Variants in MATR3 observed in about 807,000 individuals in gnomAD.
The protein encoded by MATR3 is matrin 3, also known as matrin-3.
Under a neutral mutation model 85.5 loss-of-function variants are expected in MATR3, and 4 were observed. The ratio of observed to expected loss-of-function variants is 0.05; its 90% CI spans 0.02 to 0.11. The LOEUF (loss-of-function observed/expected upper bound fraction) is 0.11. Among genes scored for constraint, MATR3 ranks in the 10% least tolerant of loss-of-function variants. The pLI is 1.00. For synonymous variants in MATR3, 336 were observed against 343.1 expected (o/e 0.98, Z 0.23); for missense variants, 685 against 1,016.1 (o/e 0.67, Z 4.43).
exon 1 of MATR3, chr5:139,274,105 T>G (rs1012129842): frequency 1.1e-5 from 5 of 451,360 alleles, no homozygotes; most frequent in African/African-American, 1.0e-4. Flanking sequence ...CGGCTGCCCT[T>G]TCCCCTCCGG....
intron 2 of MATR3, chr5:139,278,839 G>A (rs1004235598): frequency 3.9e-6 from 2 of 517,144 alleles, no homozygotes; most frequent in African/African-American, 3.9e-5. Context: ...TACACTGTTG[G>A]AAGAGCAAAC....
In MATR3 at chr5:139,330,655, T is replaced by G. The variant is rs1457108006; in HGVS notation, c.*1260T>G. 1 of 454,116 alleles carries G rather than the reference T, an allele frequency of 2.2e-6. No homozygotes were observed. The highest frequency in any genetic ancestry group is 6.9e-5 in the East Asian group (1 of 14,400). The allele number at this position is 454,116 out of a possible 1,614,324, so 28.1% of individuals were successfully genotyped here. On this transcript the variant is annotated 3_prime_UTR_variant, in exon 15 of 15. Coordinates refer to ENST00000394805, the MANE Select transcript of MATR3 (RefSeq NM_018834.6). ...CCTTATGAATTAAAAATGCTACAGGTGAACAAACAGAAGCTTATGTTTAGA... is the reference window on the plus strand; with the variant it reads ...CCTTATGAATTAAAAATGCTACAGGGGAACAAACAGAAGCTTATGTTTAGA...
At chr5:139,276,369 A>G (rs1215544853) in intron 2 of MATR3, 4 of 374,254 alleles carry the variant, frequency 1.1e-5, no homozygotes, top group African/African-American at 8.4e-5. Flanking sequence ...CCTGGGCCAC[A>G]TTGGAAGGAT....
At chr5:139,298,976 A>G (rs773095599) in intron 1 of MATR3, among the ~76,000 whole-genome samples, 8 of 152,272 alleles carry the variant, frequency 5.3e-5, no homozygotes, top group Non-Finnish European at 1.0e-4. Flanking sequence ...AAGTCAGAAC[A>G]GTACATTTTA....
intron 2 of MATR3, 43 bp downstream of exon 2, chr5:139,308,370 A>G (rs199979305): frequency 2.5e-5 from 40 of 1,609,076 alleles, no homozygotes; most frequent in Non-Finnish European, 3.1e-5. Flanking sequence ...TTTACATTGT[A>G]GTGCCTATTT....
At position 139,321,161 on chromosome 5, in the gene MATR3, T is replaced by A. The variant is rs115219182; in HGVS notation, c.1603-737T>A. ...ACAGGTTGGTTTTTTGGTTTTTGGT[T>A]TTTTCTGAGATGGAGTCTTGCTCTG... On this transcript the variant is annotated intron_variant, in intron 9 of 14. Coordinates refer to ENST00000394805, the MANE Select transcript of MATR3 (RefSeq NM_018834.6). Among the ~76,000 whole-genome samples the A allele has an allele frequency of 8.3e-3, 1,268 of 152,134 alleles. 14 individuals carry two copies. Among genetic ancestry groups the A allele is most frequent in the African/African-American group, 0.028 (1,168 of 41,480 alleles).
Position 139,308,144 on chromosome 5 carries a change from TCATAAATTTGAC to T in MATR3, c.730_741del (p.His244_Asp247del). The T allele has an allele frequency of 6.2e-7, 1 of 1,614,010 alleles. No homozygotes were observed. Among genetic ancestry groups the T allele is most frequent in the Non-Finnish European group, 8.5e-7 (1 of 1,179,986 alleles). On this transcript the variant is annotated inframe_deletion, in exon 2 of 15. Transcript: ENST00000394805. The stretch of plus-strand genomic sequence containing the variant: ...TTTTTGGTGAGACCTCGCATAACTA[TCATAAATTTGAC>T]AGTGAGTATGAGAGAATGGGACGTG...
chr5:139,319,837 C>T (rs1169185425), intron 9 of MATR3, among the ~76,000 whole-genome samples: 1 of 142,190 alleles, frequency 7.0e-6, no homozygotes, highest in African/African-American at 2.6e-5. Flanking sequence ...GAGCGAGACT[C>T]CCAACTCAAA....
chr5:139,315,929 A>T, intron 4 of MATR3, 147 bp from the exon 5 acceptor site: 1 of 773,156 alleles, frequency 1.3e-6, no homozygotes, highest in Non-Finnish European at 2.2e-6. Flanking sequence ...TTTATTGTTA[A>T]TGTAGACTTT....
In MATR3 at chr5:139,330,418, A is replaced by T. The variant is rs1309716114; in HGVS notation, c.*1023A>T. The T allele has an allele frequency of 4.4e-6, 2 of 454,420 alleles. No homozygotes were observed. The highest frequency in any genetic ancestry group is 4.0e-5 in the African/African-American group (2 of 50,004). 28.1% of individuals were successfully genotyped at this position (454,420 alleles called of 1,614,324 possible). A position where few individuals can be genotyped will look rare whatever the true frequency, so the allele number is the denominator to read the frequency against. ...AAACCCTAGGCCATGTTAATTGGTT[A>T]TACATGTTTGGAATGTTAACCAACG... On this transcript the variant is annotated 3_prime_UTR_variant, in exon 15 of 15. Coordinates refer to ENST00000394805, the MANE Select transcript of MATR3 (RefSeq NM_018834.6).
chr5:139,292,823 G>A (rs1753922227), upstream of MATR3, among the ~76,000 whole-genome samples: 1 of 152,202 alleles, frequency 6.6e-6, no homozygotes, highest in East Asian at 1.9e-4. Flanking sequence ...GGCGCCTGTA[G>A]TCCCAGCTAC....
At chr5:139,318,400 C>T (rs971928594) in intron 7 of MATR3, among the ~76,000 whole-genome samples, 1 of 151,944 alleles carries the variant, frequency 6.6e-6, no homozygotes, top group Non-Finnish European at 1.5e-5. Context: ...TCCCAAAGTG[C>T]TGGGATTACA....
intron 9 of MATR3, among the ~76,000 whole-genome samples, chr5:139,320,679 T>G (rs923298295): frequency 2.6e-5 from 4 of 152,080 alleles, no homozygotes; most frequent in African/African-American, 4.8e-5. Flanking sequence ...AATTCAGCAT[T>G]GCAAGTTTGT....
At chr5:139,327,602 G>A (rs1755924072) in intron 14 of MATR3, among the ~76,000 whole-genome samples, 1 of 151,824 alleles carries the variant, frequency 6.6e-6, no homozygotes, top group Non-Finnish European at 1.5e-5. Context: ...TGTATTTTTA[G>A]TGGAAATGGG....
chr5:139,290,642 G>T (rs1753844053), upstream of MATR3, among the ~76,000 whole-genome samples: 2 of 151,494 alleles, frequency 1.3e-5, no homozygotes, highest in Non-Finnish European at 2.9e-5. Context: ...TAGAGACATG[G>T]TTTCACCATG....
chr5:139,287,643 A>T (rs1245601997), intron 3 of MATR3, among the ~76,000 whole-genome samples: 1 of 152,162 alleles, frequency 6.6e-6, no homozygotes, highest in East Asian at 1.9e-4. Flanking sequence ...TTCATCATTA[A>T]GCTGTACCAA....
At chr5:139,288,230 A>C (rs542734135) in intron 3 of MATR3, among the ~76,000 whole-genome samples, 4 of 152,164 alleles carry the variant, frequency 2.6e-5, no homozygotes, top group Non-Finnish European at 5.9e-5. Flanking sequence ...ACAAACCAAC[A>C]AACAAAAACC....
chr5:139,283,378 A>C (rs1753600894), intron 3 of MATR3: 1 of 152,234 alleles, frequency 6.6e-6, no homozygotes, highest in Non-Finnish European at 1.5e-5. Flanking sequence ...CCAGCAAGTG[A>C]TGGGTTGGAC....
intron 3 of MATR3, chr5:139,279,857 G>A (rs1052798610): frequency 2.6e-5 from 4 of 152,180 alleles, no homozygotes; most frequent in Admixed American, 1.3e-4. Context: ...TCACTTTTCT[G>A]GAGCTCTGCT....
Sources: gnomAD v4.1 joint callset for allele counts (sites outside exome capture counted in the v4.1 genomes callset) on GRCh38, gnomAD v4.1.1 for gene constraint, MANE v1.5 for transcripts, NCBI Gene and HGNC (gene_info 2026-07-23, HGNC 2026-07-21) for gene names.